Variants in PLPPR1 observed in about 807,000 individuals in gnomAD.
The protein encoded by PLPPR1 is phospholipid phosphatase-related protein type 1.
Under a neutral mutation model 33.1 loss-of-function variants are expected in PLPPR1, and 10 were observed. That is an observed-to-expected ratio of 0.30 (90% CI 0.19 to 0.51). PLPPR1 has a LOEUF of 0.51. PLPPR1 is among the 20% of genes least tolerant of loss of function. The probability of loss-of-function intolerance (pLI) is 0.97; values close to 1 mark genes in which losing one functional copy is unlikely to be tolerated. For missense variants in PLPPR1, 304 were observed against 408.1 expected, an observed-to-expected ratio of 0.74 and a Z score of 2.20; for synonymous variants, 151 against 151.0, an observed-to-expected ratio of 1.00 and a Z score of 0.00.
chr9:101,095,079 T>C (rs1830798680), intron 1 of PLPPR1, among the ~76,000 whole-genome samples: 1 of 152,206 alleles, frequency 6.6e-6, no homozygotes, highest in African/African-American at 2.4e-5. Flanking sequence ...TTTATATAGT[T>C]GTCTATCCCT....
At chr9:101,238,352 T>TAG (rs1827375080) in intron 2 of PLPPR1, among the ~76,000 whole-genome samples, 1 of 140,364 alleles carries the variant, frequency 7.1e-6, no homozygotes, top group Non-Finnish European at 1.5e-5. Flanking sequence ...TATAGAGGTG[T>TAG]ATATATATAT....
intron 1 of PLPPR1, among the ~76,000 whole-genome samples, chr9:101,166,023 A>C (rs896656289): frequency 2.6e-5 from 4 of 152,164 alleles, no homozygotes; most frequent in Non-Finnish European, 5.9e-5. Flanking sequence ...AAAGCAAATC[A>C]GATCATGGAA....
At chr9:101,070,507 C>A (rs769053871) in intron 1 of PLPPR1, among the ~76,000 whole-genome samples, 1 of 151,902 alleles carries the variant, frequency 6.6e-6, no homozygotes, top group South Asian at 2.1e-4. Flanking sequence ...CAGAGATTAC[C>A]AACAGATTAT....
chr9:101,046,723 G>A (rs1439630788), intron 1 of PLPPR1, among the ~76,000 whole-genome samples: 4 of 152,154 alleles, frequency 2.6e-5, no homozygotes, highest in African/African-American at 4.8e-5. Flanking sequence ...GATTACAGGC[G>A]TGAACCACTG....
chr9:101,092,389 A>C lies in PLPPR1; in HGVS notation c.-46+63287A>C, dbSNP rs1040919645. Among the ~76,000 whole-genome samples, 8 of 152,302 alleles carry C rather than the reference A, an allele frequency of 5.3e-5. 1 individual carries two copies. The highest frequency in any genetic ancestry group is 2.6e-4 in the Admixed American group (4 of 15,284). Reference sequence around the variant, plus strand: ...GACCAGGAGGGAGTCATATCTGTCCAGTTTATCACTCCTAGTATATTTTTA... The same window carrying C: ...GACCAGGAGGGAGTCATATCTGTCCCGTTTATCACTCCTAGTATATTTTTA... On this transcript the variant is annotated intron_variant, in intron 1 of 7. Transcript: ENST00000374874.
At chr9:101,233,037 A>C (rs776114170) in intron 2 of PLPPR1, among the ~76,000 whole-genome samples, 1 of 152,006 alleles carries the variant, frequency 6.6e-6, no homozygotes, top group African/African-American at 2.4e-5. Flanking sequence ...TCAGATTCCA[A>C]ACCTGTGTTG....
At chr9:101,107,914 A>C (rs1226087335) in intron 1 of PLPPR1, among the ~76,000 whole-genome samples, 1 of 151,164 alleles carries the variant, frequency 6.6e-6, no homozygotes, top group Non-Finnish European at 1.5e-5. Context: ...CCGATTTTCC[A>C]GGTGCGTTCG....
At chr9:101,160,417 C>G (rs1831757606) in intron 1 of PLPPR1, among the ~76,000 whole-genome samples, 1 of 152,136 alleles carries the variant, frequency 6.6e-6, no homozygotes, top group African/African-American at 2.4e-5. Flanking sequence ...GTGCCTTTTG[C>G]TTTCTTTGCT....
Position 101,185,502 on chromosome 9 carries a change from T to C in PLPPR1, c.8T>C (p.Val3Ala), listed in dbSNP as rs75832966. 3.7e-6 allele frequency: 6 copies of C among 1,608,060 alleles called. No individual in the cohort carries two copies. The East Asian group carries it at 6.7e-5, about 18-fold the overall frequency. The change falls in exon 2 of 8, where the codon GTA (valine) becomes GCA (alanine). Residue 3 changes from valine (V) to alanine (A), a missense_variant. Physicochemically the swap from Val to Ala is moderately conservative, Grantham distance 64. Transcript: ENST00000374874. ...TGCTATATGGTGTGAGAAATGGCTG[T>C]AGGAAACAACACTCAACGAAGTTAT... MAVGNNTQRSYSI... is the reference protein window; with the variant it reads MAAGNNTQRSYSI...
chr9:101,208,249 T>C (rs930254045), intron 2 of PLPPR1, among the ~76,000 whole-genome samples: 2 of 152,196 alleles, frequency 1.3e-5, no homozygotes, highest in African/African-American at 4.8e-5. Flanking sequence ...ATAGTCACTG[T>C]TTGCCTGACT....
intron 4 of PLPPR1, among the ~76,000 whole-genome samples, chr9:101,306,022 G>T (rs1413848877): frequency 6.6e-6 from 1 of 152,076 alleles, no homozygotes; most frequent in Non-Finnish European, 1.5e-5. Flanking sequence ...TGTTCTTTTA[G>T]GTCACAAAGA....
chr9:101,196,789 C>T (rs1481929821), intron 2 of PLPPR1, among the ~76,000 whole-genome samples: 2 of 151,512 alleles, frequency 1.3e-5, no homozygotes, highest in Non-Finnish European at 1.5e-5. Context: ...GGCGTGAACC[C>T]GGGAGGCAGA....
At chr9:101,239,604 T>C (rs1035289452) in intron 2 of PLPPR1, among the ~76,000 whole-genome samples, 6 of 152,070 alleles carry the variant, frequency 3.9e-5, no homozygotes, top group Non-Finnish European at 1.5e-5. Context: ...ATAATAGGCA[T>C]TCTAACTGGG....
At chr9:101,322,912 G>A (rs1829182620) in intron 7 of PLPPR1, among the ~76,000 whole-genome samples, 1 of 151,988 alleles carries the variant, frequency 6.6e-6, no homozygotes, top group African/African-American at 2.4e-5. Flanking sequence ...CAAGTCTCAA[G>A]AAAAACATTT....
intron 2 of PLPPR1, among the ~76,000 whole-genome samples, chr9:101,213,937 G>A (rs527797034): frequency 3.0e-4 from 45 of 152,166 alleles, no homozygotes; most frequent in African/African-American, 7.7e-4. Flanking sequence ...AAACTTCTAT[G>A]ACTCCTTATA....
chr9:101,162,118 AAG>A (rs1831784863), intron 1 of PLPPR1, among the ~76,000 whole-genome samples: 1 of 151,916 alleles, frequency 6.6e-6, no homozygotes, highest in African/African-American at 2.4e-5. Flanking sequence ...AAAAAAAAAA[AAG>A]ATAATATTAT....
intron 4 of PLPPR1, among the ~76,000 whole-genome samples, chr9:101,300,027 T>C (rs377282119): frequency 4.6e-5 from 7 of 152,008 alleles, no homozygotes; most frequent in South Asian, 2.1e-4. Context: ...TTTCAAAGAC[T>C]TTTAAGAAGT....
At chr9:101,037,160 G>A (rs145465167) in intron 1 of PLPPR1, among the ~76,000 whole-genome samples, 257 of 152,048 alleles carry the variant, frequency 1.7e-3, no homozygotes, top group African/African-American at 5.8e-3. Context: ...CTCATTATAC[G>A]GTACATTTAT....
intron 4 of PLPPR1, among the ~76,000 whole-genome samples, chr9:101,290,820 A>G (rs1230897168): frequency 6.6e-6 from 1 of 152,254 alleles, no homozygotes; most frequent in African/African-American, 2.4e-5. Flanking sequence ...ATGGCCGAAT[A>G]GGAACAGCTC....
Sources: gnomAD v4.1 joint callset for allele counts (sites outside exome capture counted in the v4.1 genomes callset) on GRCh38, gnomAD v4.1.1 for gene constraint, MANE v1.5 for transcripts, NCBI Gene and HGNC (gene_info 2026-07-23, HGNC 2026-07-21) for gene names.